The following CELF4 variants were observed in gnomAD, a reference collection of about 807,000 sequenced individuals.
CELF4 encodes the protein CUG-BP- and ETR-3-like factor 4.
Under a neutral mutation model 59.9 loss-of-function variants are expected in CELF4, and 18 were observed. The ratio of observed to expected loss-of-function variants is 0.30; its 90% CI spans 0.21 to 0.45. The LOEUF is 0.45. CELF4 is among the 20% of genes least tolerant of loss of function. CELF4 has a pLI of 1.00. For synonymous variants in CELF4, 261 were observed against 267.1 expected, an observed-to-expected ratio of 0.98 and a Z score of 0.22; for missense variants, 456 against 689.0, an observed-to-expected ratio of 0.66 and a Z score of 3.79.
chr18:37,417,057 A>G (rs189838874), intron 2 of CELF4, among the ~76,000 whole-genome samples: 1 of 152,314 alleles, frequency 6.6e-6, no homozygotes, highest in East Asian at 1.9e-4. Flanking sequence ...AAAGAGAGGA[A>G]GGAAGAAAAG....
chr18:37,409,571 C>T (rs936689980), intron 2 of CELF4, among the ~76,000 whole-genome samples: 1 of 152,126 alleles, frequency 6.6e-6, no homozygotes, highest in African/African-American at 2.4e-5. Context: ...CTAGCCTGCA[C>T]CCTGTTGTCG....
chr18:37,359,850 C>CTT (rs1275762842), intron 2 of CELF4, among the ~76,000 whole-genome samples: 2 of 142,140 alleles, frequency 1.4e-5, no homozygotes, highest in East Asian at 4.3e-4. Context: ...CCTGGGCTTT[C>CTT]TTTTTTTTTT....
At chr18:37,280,481 C>T (rs2093990680) in intron 3 of CELF4, among the ~76,000 whole-genome samples, 1 of 152,202 alleles carries the variant, frequency 6.6e-6, no homozygotes, top group African/African-American at 2.4e-5. Flanking sequence ...CCCAGAGCCT[C>T]TTCATTGGAG....
chr18:37,433,759 G>A (rs2099679002), intron 2 of CELF4, among the ~76,000 whole-genome samples: 1 of 152,110 alleles, frequency 6.6e-6, no homozygotes, highest in African/African-American at 2.4e-5. Flanking sequence ...CTCTTAGGTG[G>A]TCTCTAAGTC....
At chr18:37,549,903 T>C (rs1377793314) in intron 1 of CELF4, among the ~76,000 whole-genome samples, 1 of 152,146 alleles carries the variant, frequency 6.6e-6, no homozygotes, top group Non-Finnish European at 1.5e-5. Flanking sequence ...TAATATCTTA[T>C]GACATATCAT....
At chr18:37,480,822 G>A (rs1262095054) in intron 2 of CELF4, among the ~76,000 whole-genome samples, 1 of 151,936 alleles carries the variant, frequency 6.6e-6, no homozygotes, top group Non-Finnish European at 1.5e-5. Flanking sequence ...AGGGAGAGAA[G>A]AGAGGAGAAA....
chr18:37,338,067 G>A (rs896927358), intron 2 of CELF4, among the ~76,000 whole-genome samples: 1 of 136,484 alleles, frequency 7.3e-6, no homozygotes, highest in African/African-American at 2.8e-5. Context: ...CACTATGACT[G>A]TCACTGACAC....
intron 2 of CELF4, among the ~76,000 whole-genome samples, chr18:37,484,525 A>T (rs2099876872): frequency 6.6e-6 from 1 of 152,206 alleles, no homozygotes; most frequent in Admixed American, 6.5e-5. Context: ...AAAATACAAT[A>T]CAAAGGCTGT....
intron 12 of CELF4, among the ~76,000 whole-genome samples, chr18:37,251,539 T>C (rs866716388): frequency 1.3e-5 from 2 of 152,200 alleles, no homozygotes; most frequent in Non-Finnish European, 2.9e-5. Flanking sequence ...GCCTGATTCA[T>C]ATCCCCCTAA....
At chr18:37,532,734 G>A (rs1245461956) in intron 1 of CELF4, among the ~76,000 whole-genome samples, 1 of 152,154 alleles carries the variant, frequency 6.6e-6, no homozygotes, top group Admixed American at 6.5e-5. Context: ...AACATATATG[G>A]AAACTCAGTT....
chr18:37,408,493 G>GGA (rs1660736366), intron 2 of CELF4, among the ~76,000 whole-genome samples: 2 of 31,550 alleles, frequency 6.3e-5, no homozygotes, highest in African/African-American at 1.2e-4. Context: ...GGTTGGTGCC[G>GGA]GGGGGGGGCG....
chr18:37,394,756 C>T, intron 2 of CELF4, among the ~76,000 whole-genome samples: 1 of 152,194 alleles, frequency 6.6e-6, no homozygotes, highest in East Asian at 1.9e-4. Context: ...CAGCAGTCTG[C>T]TGTCTCCAGG....
rs113207251 is a variant in CELF4 at position 37,428,551 on chromosome 18, G to A, written c.369+56974C>T. On this transcript the variant is annotated intron_variant, in intron 2 of 12. Transcript: ENST00000420428. ...CATCAGAACTCACACATCCAAAGGGGCTGCACCTACTCCAGTACAGCTAAT... is the reference window on the plus strand; with the variant it reads ...CATCAGAACTCACACATCCAAAGGGACTGCACCTACTCCAGTACAGCTAAT... Among the ~76,000 whole-genome samples, 675 of 152,310 alleles carry A rather than the reference G, an allele frequency of 4.4e-3. 6 individuals are homozygous for A. The highest frequency in any genetic ancestry group is 0.016 in the African/African-American group (649 of 41,556).
At chr18:37,486,337 C>A (rs28760407) in intron 1 of CELF4, among the ~76,000 whole-genome samples, 12,404 of 152,246 alleles carry the variant, frequency 0.081, 561 homozygotes, top group East Asian at 0.13. Flanking sequence ...AGTCTCCCCA[C>A]CTGCGAACTG....
intron 1 of CELF4, among the ~76,000 whole-genome samples, chr18:37,556,332 A>C (rs2099984783): frequency 6.6e-6 from 1 of 152,226 alleles, no homozygotes; most frequent in Non-Finnish European, 1.5e-5. Context: ...GCAACAGTTA[A>C]TTCAGCTCTA....
At chr18:37,526,560 G>C (rs1263983460) in intron 1 of CELF4, among the ~76,000 whole-genome samples, 1 of 152,178 alleles carries the variant, frequency 6.6e-6, no homozygotes, top group East Asian at 1.9e-4. Flanking sequence ...ACCTGGGGTA[G>C]AGCCACCTGT....
chr18:37,474,695 C>T (rs2099843844), intron 2 of CELF4, among the ~76,000 whole-genome samples: 1 of 152,228 alleles, frequency 6.6e-6, no homozygotes, highest in South Asian at 2.1e-4. Flanking sequence ...GTAGCGAGTA[C>T]ACAGTGATTG....
intron 1 of CELF4, among the ~76,000 whole-genome samples, chr18:37,530,698 C>A (rs971748031): frequency 6.6e-6 from 1 of 152,094 alleles, no homozygotes; most frequent in South Asian, 2.1e-4. Context: ...CTTTGTTCCC[C>A]TTCCTCCTCC....
At chr18:37,478,595 CTG>C in intron 2 of CELF4, among the ~76,000 whole-genome samples, 1 of 152,118 alleles carries the variant, frequency 6.6e-6, no homozygotes, top group Non-Finnish European at 1.5e-5. Flanking sequence ...GGAGGGAAGA[CTG>C]TGGGCACAGC....
Sources: gnomAD v4.1 joint callset for allele counts (sites outside exome capture counted in the v4.1 genomes callset) on GRCh38, gnomAD v4.1.1 for gene constraint, MANE v1.5 for transcripts, NCBI Gene and HGNC (gene_info 2026-07-23, HGNC 2026-07-21) for gene names.